The following LRRC9 variants were observed in gnomAD, a reference collection of about 807,000 sequenced individuals.
The protein encoded by LRRC9 is leucine-rich repeat-containing protein 9.
LRRC9 carries 122 observed loss-of-function variants against 63.2 expected under a neutral mutation model. That is an observed-to-expected ratio of 1.93 (90% CI 1.67 to 2.24). The LOEUF is 2.24. LRRC9 is among the 30% of genes most tolerant of loss of function. The pLI is 0.00. For synonymous variants in LRRC9, 366 were observed against 213.1 expected (o/e 1.72, Z -6.25); for missense variants, 1,071 against 627.7 (o/e 1.71, Z -7.55).
chr14:59,933,559 T>G (rs953751987), intron 6 of LRRC9, among the ~76,000 whole-genome samples: 7 of 152,148 alleles, frequency 4.6e-5, no homozygotes, highest in Non-Finnish European at 1.0e-4. Flanking sequence ...ACTATAGAAA[T>G]AATTTTGAGT....
intron 14 of LRRC9, 53 bp downstream of exon 14, chr14:59,977,400 TTG>T (rs1886407666): frequency 1.6e-6 from 1 of 620,086 alleles, no homozygotes; most frequent in Admixed American, 2.9e-5. Flanking sequence ...TGAAAAATGT[TTG>T]TGTTTAATAC....
chr14:60,049,798 G>A (rs1893741415), intron 29 of LRRC9, among the ~76,000 whole-genome samples: 1 of 151,902 alleles, frequency 6.6e-6, no homozygotes, highest in Non-Finnish European at 1.5e-5. Flanking sequence ...TTGAATGTTA[G>A]CCTGTCTTGC....
intron 29 of LRRC9, among the ~76,000 whole-genome samples, chr14:60,045,274 C>T (rs1203215036): frequency 6.6e-6 from 1 of 151,922 alleles, no homozygotes; most frequent in Non-Finnish European, 1.5e-5. Flanking sequence ...AAAATTTCAA[C>T]TTTTATTTTA....
chr14:59,977,696 A>G (rs527888675), intron 14 of LRRC9, among the ~76,000 whole-genome samples: 16 of 151,968 alleles, frequency 1.1e-4, no homozygotes, highest in Non-Finnish European at 1.8e-4. Context: ...ATTGAATAGA[A>G]AAGTGAAAAA....
At chr14:59,963,380 G>A (rs1483729107) in intron 10 of LRRC9, among the ~76,000 whole-genome samples, 3 of 151,858 alleles carry the variant, frequency 2.0e-5, no homozygotes, top group Non-Finnish European at 2.9e-5. Context: ...ATTATTTACC[G>A]ATGTGTTGCC....
At chr14:60,065,563 G>A (rs911277177), downstream of LRRC9, among the ~76,000 whole-genome samples, 3 of 142,150 alleles carry the variant, frequency 2.1e-5, no homozygotes, top group African/African-American at 7.7e-5. Context: ...CAGGAGAATC[G>A]CTTGAACCAG....
chr14:59,927,148 TATATACAC>T lies in LRRC9; in HGVS notation c.-33-760_-33-753del, dbSNP rs1441052020. 3.3e-5 allele frequency among the ~76,000 whole-genome samples: 5 copies of T among 152,088 alleles called. No individual in the cohort carries two copies. The highest frequency in any genetic ancestry group is 4.8e-5 in the African/African-American group (2 of 41,450). ...AATTATACATATACATGCATTTACA[TATATACAC>T]ATGTATACACACATGCCTATGGGGG... On this transcript the variant is annotated intron_variant, in intron 1 of 31. Coordinates refer to ENST00000445360, the Ensembl canonical transcript of LRRC9. This position sits in a 1 kb window ranked among gnomAD's most constrained non-coding sequence, Gnocchi z 4.4.
chr14:59,979,243 T>C (rs1180973870), intron 15 of LRRC9, among the ~76,000 whole-genome samples: 1 of 152,082 alleles, frequency 6.6e-6, no homozygotes, highest in Non-Finnish European at 1.5e-5. Flanking sequence ...TACAAAAAAC[T>C]TTAAAAATTT....
rs1260323220 is a variant in LRRC9, at chr14:59,923,454, A to G, written c.-34+3571A>G. 6.6e-6 allele frequency among the ~76,000 whole-genome samples: 1 copy of G among 152,204 alleles called. No individual in the cohort carries two copies. The highest frequency in any genetic ancestry group is 1.5e-5 in the Non-Finnish European group (1 of 68,026). ...GTTCTTGAGGATGACTCAAAACTGT[A>G]ATATGGAAGTTCTCCCTAAATTAAT... On this transcript the variant is annotated intron_variant, in intron 1 of 31. Coordinates refer to ENST00000445360, the Ensembl canonical transcript of LRRC9. The surrounding 1 kb of genome is among the most constrained non-coding windows in gnomAD (Gnocchi z 4.2).
rs1883997243 is a variant in LRRC9, at chr14:59,958,309, G to A, written c.883-1509G>A. ...GGTTTTTGTGTGTAAACCCCTTACT[G>A]GGGCTGTTACCTTTCCTTGAGAGAT... On this transcript the variant is annotated intron_variant, in intron 8 of 31. Coordinates refer to ENST00000445360, the Ensembl canonical transcript of LRRC9. This position sits in a 1 kb window ranked among gnomAD's most constrained non-coding sequence, Gnocchi z 4.0. Among the ~76,000 whole-genome samples the A allele has an allele frequency of 6.6e-6, 1 of 152,202 alleles. No homozygotes were observed. The highest frequency in any genetic ancestry group is 1.5e-5 in the Non-Finnish European group (1 of 68,044).
intron 29 of LRRC9, among the ~76,000 whole-genome samples, chr14:60,043,880 G>A (rs1893183306): frequency 6.7e-6 from 1 of 150,312 alleles, no homozygotes; most frequent in African/African-American, 2.4e-5. Context: ...TAAGTAGTTG[G>A]TATTAGTTCT....
At chr14:59,995,634 CTATT>C (rs1329835338) in intron 17 of LRRC9, among the ~76,000 whole-genome samples, 3 of 151,886 alleles carry the variant, frequency 2.0e-5, no homozygotes, top group African/African-American at 7.2e-5. Flanking sequence ...TGTTTCATGA[CTATT>C]TAATGAGTTC....
chr14:59,965,205 C>A (rs1226843727), intron 10 of LRRC9, among the ~76,000 whole-genome samples: 1 of 152,116 alleles, frequency 6.6e-6, no homozygotes, highest in East Asian at 1.9e-4. Flanking sequence ...CAGGTGAGGG[C>A]AGCAGAGAGC....
rs111474227 is a variant in LRRC9 at position 60,017,772 on chromosome 14, C to T, written c.3318-599C>T. 9.1e-3 allele frequency among the ~76,000 whole-genome samples: 1,387 copies of T among 152,210 alleles called. 23 individuals are homozygous for T. The highest frequency in any genetic ancestry group is 0.031 in the African/African-American group (1,299 of 41,548). ...AGGGAAAGGGATGTAGTTTTATGCT[C>T]TTCTCTGTCATGGCTCAAATGAAGA... On this transcript the variant is annotated intron_variant, in intron 24 of 31. Coordinates refer to ENST00000445360, the Ensembl canonical transcript of LRRC9. The surrounding 1 kb of genome is among the most constrained non-coding windows in gnomAD (Gnocchi z 4.0).
At chr14:60,030,556 T>C (rs1401447598) in intron 28 of LRRC9, among the ~76,000 whole-genome samples, 1 of 152,092 alleles carries the variant, frequency 6.6e-6, no homozygotes, top group Non-Finnish European at 1.5e-5. Context: ...AGTCTATTGC[T>C]ATTTCCTGTC....
At position 59,927,791 on chromosome 14, in the gene LRRC9, T is replaced by C; in HGVS notation, c.-33-120T>C. On this transcript the variant is annotated intron_variant, in intron 1 of 31. Coordinates refer to ENST00000445360, the Ensembl canonical transcript of LRRC9. The surrounding 1 kb of genome is among the most constrained non-coding windows in gnomAD (Gnocchi z 4.4). The stretch of plus-strand genomic sequence containing the variant: ...GAGTTTATACAGATACTTGGTAATA[T>C]ACTATGTGAAGATTTCAAACTACAG... 2.1e-6 allele frequency: 1 copy of C among 470,524 alleles called. No homozygotes were observed. The highest frequency in any genetic ancestry group is 3.9e-5 in the Admixed American group (1 of 25,388). 29.1% of individuals were successfully genotyped at this position (470,524 alleles called of 1,614,324 possible).
In LRRC9 at chr14:59,932,141, C is replaced by A. The variant is rs1594810513; in HGVS notation, c.543+102C>A. 3 of 597,836 alleles carry A rather than the reference C, an allele frequency of 5.0e-6. No homozygotes were observed. Among genetic ancestry groups the A allele is most frequent in the East Asian group, 2.9e-5 (1 of 34,334 alleles). The allele number at this position is 597,836 out of a possible 1,614,324, so 37.0% of individuals were successfully genotyped here. On this transcript the variant is annotated intron_variant, in intron 6 of 31. Coordinates refer to ENST00000445360, the Ensembl canonical transcript of LRRC9. This position sits in a 1 kb window ranked among gnomAD's most constrained non-coding sequence, Gnocchi z 4.7. ...AAAGTCCCCCATTAAGGAATAAGTTCATTATTTTGGGCTGATGCTCCAGGA... is the reference window on the plus strand; with the variant it reads ...AAAGTCCCCCATTAAGGAATAAGTTAATTATTTTGGGCTGATGCTCCAGGA...
At chr14:59,968,008 A>C (rs1451997855) in intron 12 of LRRC9, among the ~76,000 whole-genome samples, 2 of 152,256 alleles carry the variant, frequency 1.3e-5, no homozygotes, top group Non-Finnish European at 2.9e-5. Flanking sequence ...TAGCCAAAAA[A>C]ACTAGAAACA....
At chr14:60,009,412 T>C (rs143913183) in intron 23 of LRRC9, among the ~76,000 whole-genome samples, 1 of 152,310 alleles carries the variant, frequency 6.6e-6, no homozygotes, top group African/African-American at 2.4e-5. Flanking sequence ...CTCCCCTTTA[T>C]AAAACCATCA....
Sources: gnomAD v4.1 joint callset for allele counts (sites outside exome capture counted in the v4.1 genomes callset) on GRCh38, gnomAD v4.1.1 for gene constraint, Gnocchi (gnomAD v3.1) non-coding constraint, MANE v1.5 for transcripts, NCBI Gene and HGNC (gene_info 2026-07-23, HGNC 2026-07-21) for gene names.